The following ASPRV1 variants were observed in gnomAD, a reference collection of about 807,000 sequenced individuals.
The protein encoded by ASPRV1 is retroviral-like aspartic protease 1.
A neutral mutation model predicts 11.0 loss-of-function variants in ASPRV1; 7 were observed. The ratio of observed to expected loss-of-function variants is 0.64; its 90% CI spans 0.36 to 1.20. ASPRV1 has a LOEUF of 1.20. ASPRV1 is among the 50% of genes most tolerant of loss of function. The pLI is 0.02. For missense variants in ASPRV1, 299 were observed against 320.0 expected, an observed-to-expected ratio of 0.93 and a Z score of 0.50; for synonymous variants, 136 against 138.4, an observed-to-expected ratio of 0.98 and a Z score of 0.12.
chr2:69,982,507 T>C, the ASPRV1 span, among the ~76,000 whole-genome samples: 1 of 152,152 alleles, frequency 6.6e-6, no homozygotes, highest in Non-Finnish European at 1.5e-5. Context: ...TGGGAATTAA[T>C]TGATCAGAGC....
At chr2:69,934,779 T>C in the ASPRV1 span, among the ~76,000 whole-genome samples, 1 of 152,262 alleles carries the variant, frequency 6.6e-6, no homozygotes, top group African/African-American at 2.4e-5. Flanking sequence ...CTCATTCTTT[T>C]TGATAGCTAC....
the ASPRV1 span, among the ~76,000 whole-genome samples, chr2:69,950,657 C>T: frequency 6.6e-6 from 1 of 151,900 alleles, no homozygotes; most frequent in Non-Finnish European, 1.5e-5. Context: ...GCCTGGCCAA[C>T]ATGGTGAAAA....
chr2:69,981,816 C>G, the ASPRV1 span, among the ~76,000 whole-genome samples: 1 of 152,204 alleles, frequency 6.6e-6, no homozygotes, highest in Non-Finnish European at 1.5e-5. Flanking sequence ...GCCTTGGCCT[C>G]CCAAAGTGCT....
chr2:69,934,925 C>T, the ASPRV1 span, among the ~76,000 whole-genome samples: 1 of 152,176 alleles, frequency 6.6e-6, no homozygotes, highest in East Asian at 1.9e-4. Context: ...TGCTCCTTGA[C>T]TTATGATGGG....
In ASPRV1 at chr2:69,960,900, T is replaced by C. The variant is rs1289558603; in HGVS notation, c.537A>G (p.Leu179=). ...ACTGTGCCTTCAGCTTCAGCTTGCCTAGGGACACCGCTGTATCCCAGACAC... is the reference window on the plus strand; with the variant it reads ...ACTGTGCCTTCAGCTTCAGCTTGCCCAGGGACACCGCTGTATCCCAGACAC... ...ILGVWDTAVS[L]GKLKLKAQFL... Residue 179 remains leucine, a synonymous_variant, in exon 1 of 1, where the codon CTA becomes CTG. Coordinates refer to ENST00000320256, the MANE Select transcript of ASPRV1 (RefSeq NM_152792.4). 6.2e-7 allele frequency: 1 copy of C among 1,613,962 alleles called. No individual in the cohort carries two copies. The highest frequency in any genetic ancestry group is 8.5e-7 in the Non-Finnish European group (1 of 1,180,002).
the ASPRV1 span, among the ~76,000 whole-genome samples, chr2:69,946,756 C>T: frequency 6.6e-6 from 1 of 152,046 alleles, no homozygotes; most frequent in East Asian, 1.9e-4. Context: ...GTGGTTAAAC[C>T]GAAAGGGGGA....
At chr2:69,935,525 G>A in the ASPRV1 span, 2 of 1,189,002 alleles carry the variant, frequency 1.7e-6, no homozygotes, top group South Asian at 1.2e-5. Context: ...TTTGTCTGTT[G>A]TTACATCTCC....
the ASPRV1 span, among the ~76,000 whole-genome samples, chr2:69,990,309 G>C: frequency 6.6e-6 from 1 of 151,858 alleles, no homozygotes; most frequent in Non-Finnish European, 1.5e-5. Flanking sequence ...TCAGCCTCCC[G>C]AGTAGCTGGG....
the ASPRV1 span, among the ~76,000 whole-genome samples, chr2:70,055,399 T>A: frequency 6.6e-6 from 1 of 152,152 alleles, no homozygotes; most frequent in East Asian, 1.9e-4. Context: ...CCATTAATGA[T>A]AGACTGGATA....
the ASPRV1 span, among the ~76,000 whole-genome samples, chr2:70,083,073 G>GTCTT: frequency 6.6e-6 from 1 of 152,152 alleles, no homozygotes; most frequent in Non-Finnish European, 1.5e-5. Flanking sequence ...AGAGGGAAGA[G>GTCTT]ATTTTCTAAA....
the ASPRV1 span, among the ~76,000 whole-genome samples, chr2:69,980,510 T>C: frequency 6.6e-6 from 1 of 152,106 alleles, no homozygotes; most frequent in Non-Finnish European, 1.5e-5. Flanking sequence ...ATCTAAGAAG[T>C]CTCACAAATA....
the ASPRV1 span, among the ~76,000 whole-genome samples, chr2:69,979,313 G>A: frequency 6.6e-6 from 1 of 152,342 alleles, no homozygotes; most frequent in East Asian, 1.9e-4. Context: ...GATTATAGGT[G>A]TGAGCCACCA....
chr2:69,982,460 A>C, the ASPRV1 span, among the ~76,000 whole-genome samples: 14 of 152,090 alleles, frequency 9.2e-5, no homozygotes, highest in Admixed American at 9.2e-4. Context: ...TGTCTCAAAA[A>C]ATAAGTTTTC....
At chr2:70,076,609 C>T in the ASPRV1 span, among the ~76,000 whole-genome samples, 5 of 152,182 alleles carry the variant, frequency 3.3e-5, no homozygotes, top group African/African-American at 1.2e-4. Context: ...AAGTCAAAAA[C>T]ATATTTGATA....
the ASPRV1 span, among the ~76,000 whole-genome samples, chr2:69,950,201 G>A: frequency 1.3e-5 from 2 of 152,198 alleles, no homozygotes; most frequent in South Asian, 4.1e-4. Context: ...AACACAACTG[G>A]TGAAGAGCCA....
chr2:69,977,172 T>A, the ASPRV1 span, among the ~76,000 whole-genome samples: 4 of 149,712 alleles, frequency 2.7e-5, no homozygotes, highest in African/African-American at 9.9e-5. Flanking sequence ...TGAGACTCTG[T>A]AAAAAAAAAT....
At chr2:69,935,381 G>T in the ASPRV1 span, 2 of 1,614,146 alleles carry the variant, frequency 1.2e-6, no homozygotes, top group South Asian at 2.2e-5. Context: ...GCCTGGAGAA[G>T]TTGAAGGGGC....
chr2:69,953,414 A>G, the ASPRV1 span, among the ~76,000 whole-genome samples: 3 of 152,248 alleles, frequency 2.0e-5, no homozygotes, highest in South Asian at 6.2e-4. Context: ...GAGGGAGGAC[A>G]TAAGACGGGG....
At chr2:70,028,979 A>G in the ASPRV1 span, among the ~76,000 whole-genome samples, 3 of 152,272 alleles carry the variant, frequency 2.0e-5, no homozygotes, top group East Asian at 3.9e-4. Context: ...CCTTCCCAAA[A>G]TATCAACCCT....
Sources: allele counts gnomAD v4.1 joint callset (sites outside exome capture counted in the v4.1 genomes callset), GRCh38; gene constraint gnomAD v4.1.1; transcripts MANE v1.5; gene names NCBI Gene and HGNC (gene_info 2026-07-23, HGNC 2026-07-21).